Variants in CNTN5 observed in about 807,000 individuals in gnomAD.
The protein encoded by CNTN5 is contactin-5.
CNTN5 carries 77 observed loss-of-function variants against 129.1 expected under a neutral mutation model. The observed-to-expected ratio is 0.60, with a 90% confidence interval of 0.50 to 0.72. The LOEUF is 0.72. CNTN5 is among the 30% of genes least tolerant of loss of function. The pLI is 0.00. For missense variants in CNTN5, 1,478 were observed against 1,328.8 expected, an observed-to-expected ratio of 1.11 and a Z score of -1.75; for synonymous variants, 509 against 465.6, an observed-to-expected ratio of 1.09 and a Z score of -1.20.
At chr11:99,725,101 T>C (rs7118814) in intron 3 of CNTN5, among the ~76,000 whole-genome samples, 95,011 of 151,998 alleles carry the variant, frequency 0.63, 30,392 homozygotes, top group East Asian at 0.83. Flanking sequence ...TTTCTAGTTG[T>C]GTAATTATCT....
intron 2 of CNTN5, among the ~76,000 whole-genome samples, chr11:99,388,968 C>T (rs1043936090): frequency 7.2e-6 from 1 of 139,286 alleles, no homozygotes; most frequent in Non-Finnish European, 1.6e-5. Context: ...TTTAAGACAC[C>T]TAATTCTCCA....
intron 13 of CNTN5, among the ~76,000 whole-genome samples, chr11:100,169,483 C>G (rs991951903): frequency 4.8e-4 from 73 of 151,974 alleles, no homozygotes; most frequent in African/African-American, 1.6e-3. Context: ...AGTCAGCAGC[C>G]ATCTACGGTG....
intron 1 of CNTN5, among the ~76,000 whole-genome samples, chr11:99,178,506 G>C (rs544136426): frequency 2.6e-5 from 4 of 151,214 alleles, no homozygotes; most frequent in Admixed American, 2.6e-4. Flanking sequence ...GGGTGACAGA[G>C]TGAGACCTTG....
At chr11:99,698,346 G>A (rs1214778175) in intron 3 of CNTN5, among the ~76,000 whole-genome samples, 2 of 151,262 alleles carry the variant, frequency 1.3e-5, no homozygotes, top group African/African-American at 4.8e-5. Flanking sequence ...CTATAAAGGG[G>A]AAATACTCAC....
chr11:100,144,550 T>C (rs1175726833), intron 13 of CNTN5, among the ~76,000 whole-genome samples: 1 of 152,156 alleles, frequency 6.6e-6, no homozygotes, highest in African/African-American at 2.4e-5. Context: ...GCGCATTCAA[T>C]ATATGCATTT....
chr11:99,526,368 C>A (rs541068077), intron 2 of CNTN5, among the ~76,000 whole-genome samples: 12 of 152,350 alleles, frequency 7.9e-5, no homozygotes, highest in Admixed American at 5.9e-4. Flanking sequence ...ATAACCCATT[C>A]AATTCATTGG....
chr11:99,066,664 G>A (rs533235903), intron 1 of CNTN5, among the ~76,000 whole-genome samples: 25 of 152,108 alleles, frequency 1.6e-4, no homozygotes, highest in Non-Finnish European at 3.2e-4. Flanking sequence ...TGTATGTAAA[G>A]TAAATTGTGA....
At chr11:99,697,599 G>A (rs953088077) in intron 3 of CNTN5, among the ~76,000 whole-genome samples, 7 of 151,360 alleles carry the variant, frequency 4.6e-5, no homozygotes, top group Non-Finnish European at 1.0e-4. Context: ...GAGATGTGTT[G>A]AATAATGTAA....
intron 3 of CNTN5, among the ~76,000 whole-genome samples, chr11:99,613,497 A>G (rs972914678): frequency 6.6e-6 from 1 of 152,222 alleles, no homozygotes; most frequent in Non-Finnish European, 1.5e-5. Context: ...CTATAGCAGC[A>G]TGAAAATAGA....
intron 1 of CNTN5, among the ~76,000 whole-genome samples, chr11:99,141,244 A>T (rs1430054974): frequency 1.3e-5 from 2 of 151,880 alleles, no homozygotes; most frequent in East Asian, 3.9e-4. Flanking sequence ...ATTTTCAGGA[A>T]TTTACCCATT....
chr11:100,226,345 A>G (rs1949377125), intron 16 of CNTN5, among the ~76,000 whole-genome samples: 1 of 152,160 alleles, frequency 6.6e-6, no homozygotes, highest in Non-Finnish European at 1.5e-5. Flanking sequence ...CCAAATCAAT[A>G]TCACAATTTA....
intron 3 of CNTN5, among the ~76,000 whole-genome samples, chr11:99,585,408 A>C (rs1471226687): frequency 1.3e-5 from 2 of 152,218 alleles, no homozygotes; most frequent in African/African-American, 4.8e-5. Flanking sequence ...GCTGTTTTCT[A>C]TTAAGCTAAA....
chr11:99,931,332 A>T (rs1460253651), intron 7 of CNTN5, among the ~76,000 whole-genome samples: 1 of 152,200 alleles, frequency 6.6e-6, no homozygotes, highest in African/African-American at 2.4e-5. Flanking sequence ...CACATGGAAA[A>T]CTAAACTATC....
At chr11:100,261,869 A>G (rs964131365) in intron 17 of CNTN5, among the ~76,000 whole-genome samples, 7 of 152,214 alleles carry the variant, frequency 4.6e-5, no homozygotes, top group Admixed American at 2.0e-4. Flanking sequence ...AGGCAATACC[A>G]TTCAGGACAT....
chr11:99,640,572 GA>G (rs1457805099), intron 3 of CNTN5, among the ~76,000 whole-genome samples: 1 of 152,152 alleles, frequency 6.6e-6, no homozygotes, highest in Non-Finnish European at 1.5e-5. Context: ...TTTGAATGGG[GA>G]CACAGCCAAA....
intron 21 of CNTN5, among the ~76,000 whole-genome samples, chr11:100,326,232 C>T (rs1277291958): frequency 1.3e-5 from 2 of 151,766 alleles, no homozygotes; most frequent in Non-Finnish European, 2.9e-5. Context: ...AAATGGTAGA[C>T]GTGAAAGACA....
chr11:99,080,881 T>C (rs1175202552), intron 1 of CNTN5, among the ~76,000 whole-genome samples: 2 of 152,168 alleles, frequency 1.3e-5, no homozygotes, highest in East Asian at 3.8e-4. Context: ...CGTGCATAAC[T>C]TCTATACTTC....
intron 6 of CNTN5, among the ~76,000 whole-genome samples, chr11:99,882,983 G>A (rs950865028): frequency 2.6e-5 from 4 of 152,056 alleles, no homozygotes; most frequent in African/African-American, 7.2e-5. Flanking sequence ...GTCTTTCTGT[G>A]CCTGGCTTAT....
chr11:100,142,387 G>T (rs1305971872), intron 13 of CNTN5, among the ~76,000 whole-genome samples: 1 of 151,974 alleles, frequency 6.6e-6, no homozygotes, highest in Non-Finnish European at 1.5e-5. Flanking sequence ...TTGGTTCTTT[G>T]TCTCTGGAGA....
Sources: gnomAD v4.1 joint callset for allele counts (sites outside exome capture counted in the v4.1 genomes callset) on GRCh38, gnomAD v4.1.1 for gene constraint, MANE v1.5 for transcripts, NCBI Gene and HGNC (gene_info 2026-07-23, HGNC 2026-07-21) for gene names.